Variants in CHPF2 observed in about 807,000 individuals in gnomAD.
CHPF2 encodes chondroitin polymerizing factor 2, also known as chondroitin polymerizing factor 2, non-catalytic subunit.
In CHPF2, 58 loss-of-function variants were observed where a neutral mutation model predicts 63.0. That is an observed-to-expected ratio of 0.92 (90% CI 0.75 to 1.15). The LOEUF (loss-of-function observed/expected upper bound fraction) is 1.15. Among genes scored for constraint, CHPF2 ranks in the 50% most tolerant of loss-of-function variants. The pLI, the probability that CHPF2 is intolerant of heterozygous loss-of-function variation, is 0.00. For missense variants in CHPF2, 1,045 were observed against 1,035.4 expected (o/e 1.01, Z -0.13); for synonymous variants, 442 against 438.0 (o/e 1.01, Z -0.11).
chr7:151,237,928 G>A lies in CHPF2; in HGVS notation c.1566G>A (p.Leu522=). Residue 522 remains leucine (L), a synonymous_variant, in exon 4 of 4, where the codon TTG becomes TTA. Coordinates refer to ENST00000035307, the MANE Select transcript of CHPF2 (RefSeq NM_019015.3). Reference sequence around the variant, plus strand: ...TCCTGGAGCCACGAGAACATGCATTGCTCACCCTGTTGCTGGTCTACGGGC... The same window carrying A: ...TCCTGGAGCCACGAGAACATGCATTACTCACCCTGTTGCTGGTCTACGGGC... ...ANVLEPREHA[L]LTLLLVYGPR... The A allele has an allele frequency of 6.2e-7, 1 of 1,613,028 alleles. No individual in the cohort carries two copies. The highest frequency in any genetic ancestry group is 8.5e-7 in the Non-Finnish European group (1 of 1,180,022).
Position 151,233,326 on chromosome 7 carries a change from T to C in CHPF2, c.-686T>C, listed in dbSNP as rs190803273. 9 of 986,546 alleles carry C rather than the reference T, an allele frequency of 9.1e-6. No individual in the cohort carries two copies. The Admixed American group carries it at 1.8e-4, about 20-fold the overall frequency. 61.1% of individuals were successfully genotyped at this position (986,546 alleles called of 1,614,324 possible). A position where few individuals can be genotyped will look rare whatever the true frequency, so the allele number is the denominator to read the frequency against. ...ACCTCATTCGGGTGGGCAGAACTTATGTGTGCCATGCGAGTGGCTCCAGAC... is the reference window on the plus strand; with the variant it reads ...ACCTCATTCGGGTGGGCAGAACTTACGTGTGCCATGCGAGTGGCTCCAGAC... On this transcript the variant is annotated 5_prime_UTR_variant, in exon 1 of 4. It removes an upstream start codon present in the reference 5' UTR. Coordinates refer to ENST00000035307, the MANE Select transcript of CHPF2 (RefSeq NM_019015.3).
chr7:151,233,979 C>T lies in CHPF2; in HGVS notation c.-33C>T, dbSNP rs185091725. 2.7e-6 allele frequency: 4 copies of T among 1,476,244 alleles called. No homozygotes were observed. Among genetic ancestry groups the T allele is most frequent in the Non-Finnish European group, 3.6e-6 (4 of 1,114,382 alleles). 91.4% of individuals were successfully genotyped at this position (1,476,244 alleles called of 1,614,324 possible). A position where few individuals can be genotyped will look rare whatever the true frequency, so the allele number is the denominator to read the frequency against. On this transcript the variant is annotated 5_prime_UTR_variant, in exon 1 of 4. Coordinates refer to ENST00000035307, the MANE Select transcript of CHPF2 (RefSeq NM_019015.3). ...AATCCATTGATCCTTGAGGCTGTGCCCCTGGGGCACCCACCTGGCAGGGCC... is the reference window on the plus strand; with the variant it reads ...AATCCATTGATCCTTGAGGCTGTGCTCCTGGGGCACCCACCTGGCAGGGCC...
In CHPF2 at chr7:151,234,289, T is replaced by G. The variant is rs1802562839; in HGVS notation, c.263+15T>G. The G allele has an allele frequency of 6.5e-7, 1 of 1,536,996 alleles. No individual in the cohort carries two copies. On this transcript the variant is annotated intron_variant, in intron 1 of 3. Coordinates refer to ENST00000035307, the MANE Select transcript of CHPF2 (RefSeq NM_019015.3). ...AAGGTGCTCAGGTGAGAGCAACATG[T>G]GTGCATAGTCCCCAGACACTGGCCC...
chr7:151,233,211 A>G lies in CHPF2; in HGVS notation c.-801A>G. On this transcript the variant is annotated 5_prime_UTR_variant, in exon 1 of 4. Coordinates refer to ENST00000035307, the MANE Select transcript of CHPF2 (RefSeq NM_019015.3). ...TCCAGTCCCCGCCTGCTGTCTCCTC[A>G]GCAGCTGGGGTTCCGAGGAGAATGC... The G allele has an allele frequency of 9.8e-7, 1 of 1,015,674 alleles. No homozygotes were observed. The highest frequency in any genetic ancestry group is 1.7e-5 in the African/African-American group (1 of 58,488). The allele number at this position is 1,015,674 out of a possible 1,614,324, so 62.9% of individuals were successfully genotyped here.
Position 151,238,730 on chromosome 7 carries a change from C to A in CHPF2, c.*49C>A. On this transcript the variant is annotated 3_prime_UTR_variant, in exon 4 of 4. Coordinates refer to ENST00000035307, the MANE Select transcript of CHPF2 (RefSeq NM_019015.3). ...TTACCTTTCCTTTGTCTGCCTCAGC[C>A]CCAGGAAGGGCAAGGCAAGATGGTG... The A allele has an allele frequency of 1.2e-6, 2 of 1,602,394 alleles. No homozygotes were observed. The highest frequency in any genetic ancestry group is 2.2e-5 in the East Asian group (1 of 44,554).
intron 2 of CHPF2, 100 bp from the exon 3 acceptor site, chr7:151,236,308 C>T (rs953184488): frequency 2.8e-5 from 30 of 1,054,930 alleles, no homozygotes; most frequent in African/African-American, 1.9e-4. Context: ...TCTGTTCTAA[C>T]GCAGCAGTGC....
chr7:151,237,492 A>G lies in CHPF2; in HGVS notation c.1130A>G (p.Tyr377Cys), dbSNP rs1053064155. 1.2e-6 allele frequency: 2 copies of G among 1,613,874 alleles called. No homozygotes were observed. The highest frequency in any genetic ancestry group is 2.7e-5 in the African/African-American group (2 of 74,934). ...CGCTTTGAGGTGCTGGGCTGGGACTACTTCACAGAGCAGCACACCTTCTCC... is the reference window on the plus strand; with the variant it reads ...CGCTTTGAGGTGCTGGGCTGGGACTGCTTCACAGAGCAGCACACCTTCTCC... ...HSRFEVLGWD[Y>C]FTEQHTFSCA... The change falls in exon 4 of 4, where the codon TAC (tyrosine) becomes TGC (cysteine). Residue 377 changes from tyrosine (Y) to cysteine (C), a missense_variant. Coordinates refer to ENST00000035307, the MANE Select transcript of CHPF2 (RefSeq NM_019015.3).
In CHPF2 at chr7:151,232,881, C is replaced by A; in HGVS notation, c.-1131C>A. On this transcript the variant is annotated 5_prime_UTR_variant, in exon 1 of 4. Coordinates refer to ENST00000035307, the MANE Select transcript of CHPF2 (RefSeq NM_019015.3). Reference sequence around the variant, plus strand: ...TCGCAGAACGACCCGAGCTGGTCTCCCGAGCCCCCTTCTCAGCAGCCCGGT... The same window carrying A: ...TCGCAGAACGACCCGAGCTGGTCTCACGAGCCCCCTTCTCAGCAGCCCGGT... 7.2e-7 allele frequency: 1 copy of A among 1,395,034 alleles called. No homozygotes were observed. Among genetic ancestry groups the A allele is most frequent in the Middle Eastern group, 1.8e-4 (1 of 5,458 alleles). 86.4% of individuals were successfully genotyped at this position (1,395,034 alleles called of 1,614,324 possible). A position where few individuals can be genotyped will look rare whatever the true frequency, so the allele number is the denominator to read the frequency against.
chr7:151,238,420 G>C lies in CHPF2; in HGVS notation c.2058G>C (p.Leu686=), dbSNP rs764965206. The part of the protein sequence containing the change: ...NADYLAARAR[L]AGELAGQEEE... ...ACTACCTGGCGGCCCGAGCCCGGCT[G>C]GCAGGTGAACTGGCAGGCCAGGAAG... is the stretch of plus-strand genomic sequence containing the variant. Residue 686 remains leucine (L), a synonymous_variant, in exon 4 of 4, where the codon CTG becomes CTC. Coordinates refer to ENST00000035307, the MANE Select transcript of CHPF2 (RefSeq NM_019015.3). The C allele has an allele frequency of 6.3e-7, 1 of 1,596,350 alleles. No homozygotes were observed. The highest frequency in any genetic ancestry group is 1.1e-5 in the South Asian group (1 of 89,182).
At position 151,238,090 on chromosome 7, in the gene CHPF2, C is replaced by CA. The variant is rs1206411094; in HGVS notation, c.1729dup (p.Met577AsnfsTer69). 1 of 1,612,410 alleles carries CA rather than the reference C, an allele frequency of 6.2e-7. No homozygotes were observed. The highest frequency in any genetic ancestry group is 8.5e-7 in the Non-Finnish European group (1 of 1,180,012). On this transcript the variant is annotated frameshift_variant, in exon 4 of 4. Transcript: ENST00000035307. LOFTEE classifies it high-confidence loss of function. ...CAGAGGCCCCTTCCCAGGTGCGACT[C>CA]ATGGACGTGGTCTCGAAGAAGCACC...
chr7:151,233,364 G>T lies in CHPF2; in HGVS notation c.-648G>T. 1.0e-6 allele frequency: 1 copy of T among 985,936 alleles called. No homozygotes were observed. Among genetic ancestry groups the T allele is most frequent in the Non-Finnish European group, 1.2e-6 (1 of 830,258 alleles). The allele number at this position is 985,936 out of a possible 1,614,324, so 61.1% of individuals were successfully genotyped here. ...AGTGGCTCCAGACCGCTCCTGAGTG[G>T]GAGGAGGGGTTCCTGTAGCCGTTGC... On this transcript the variant is annotated 5_prime_UTR_variant, in exon 1 of 4. Coordinates refer to ENST00000035307, the MANE Select transcript of CHPF2 (RefSeq NM_019015.3).
chr7:151,235,328 C>T lies in CHPF2; in HGVS notation c.544C>T (p.Gln182Ter). 6.2e-7 allele frequency: 1 copy of T among 1,614,000 alleles called. No individual in the cohort carries two copies. The highest frequency in any genetic ancestry group is 8.5e-7 in the Non-Finnish European group (1 of 1,180,042). Residue 182 changes from glutamine to a stop codon, truncating the protein, a stop_gained, in exon 2 of 4, where the codon CAG becomes TAG. Transcript: ENST00000035307. LOFTEE classifies it high-confidence loss of function. Reference sequence around the variant, plus strand: ...CGACTACGACTGGTTCTTCATCATGCAGGATGACACATATGTGCAGGCCCC... The same window carrying T: ...CGACTACGACTGGTTCTTCATCATGTAGGATGACACATATGTGCAGGCCCC... ...GADYDWFFIMQDDTYVQAPRL... is the reference protein window; with the variant it reads ...GADYDWFFIM
Position 151,233,250 on chromosome 7 carries a change from T to C in CHPF2, c.-762T>C. The C allele has an allele frequency of 4.0e-6, 4 of 995,618 alleles. No homozygotes were observed. The highest frequency in any genetic ancestry group is 4.8e-6 in the Non-Finnish European group (4 of 836,910). The allele number at this position is 995,618 out of a possible 1,614,324, so 61.7% of individuals were successfully genotyped here. A position where few individuals can be genotyped will look rare whatever the true frequency, so the allele number is the denominator to read the frequency against. On this transcript the variant is annotated 5_prime_UTR_variant, in exon 1 of 4. Coordinates refer to ENST00000035307, the MANE Select transcript of CHPF2 (RefSeq NM_019015.3). ...CGAGGAGAATGCCCTGCAAGATGGCTCCATCGGCCATGGCGCTCCTGAGAG... is the reference window on the plus strand; with the variant it reads ...CGAGGAGAATGCCCTGCAAGATGGCCCCATCGGCCATGGCGCTCCTGAGAG...
Position 151,233,057 on chromosome 7 carries a change from C to G in CHPF2, c.-955C>G, listed in dbSNP as rs1802518689. ...GTCCTGTCGGAAGCTGGCCGCGCTT[C>G]TGTTTGCGTTCCCAGGACCCTGGCA... On this transcript the variant is annotated 5_prime_UTR_variant, in exon 1 of 4. Coordinates refer to ENST00000035307, the MANE Select transcript of CHPF2 (RefSeq NM_019015.3). 7 of 1,256,242 alleles carry G rather than the reference C, an allele frequency of 5.6e-6. No individual in the cohort carries two copies. Among genetic ancestry groups the G allele is most frequent in the African/African-American group, 3.1e-5 (2 of 64,486 alleles). The allele number at this position is 1,256,242 out of a possible 1,614,324, so 77.8% of individuals were successfully genotyped here.
intron 3 of CHPF2, 39 bp downstream of exon 3, chr7:151,236,629 C>CAG: frequency 6.7e-7 from 1 of 1,492,376 alleles, no homozygotes; most frequent in Non-Finnish European, 9.0e-7. Context: ...GGACCGCAGT[C>CAG]AGAGGGTCAG....
chr7:151,238,651 CTT>C lies in CHPF2; in HGVS notation c.2291_2292del (p.Phe764Ter). On this transcript the variant is annotated frameshift_variant, in exon 4 of 4. Coordinates refer to ENST00000035307, the MANE Select transcript of CHPF2 (RefSeq NM_019015.3). LOFTEE classifies it high-confidence loss of function. ...GCCGTGCCCAGCTGGCTATGGCTCT[CTT>C]TGAGCAGGAGCAGGCCAATAGCACT... is the stretch of plus-strand genomic sequence containing the variant. Reference protein sequence around the residue: ...GGRAQLAMALFEQEQANST With the variant: ...GGRAQLAMALXEQEQANST 6.2e-7 allele frequency: 1 copy of C among 1,610,490 alleles called. No individual in the cohort carries two copies. Among genetic ancestry groups the C allele is most frequent in the Middle Eastern group, 1.7e-4 (1 of 6,054 alleles).
Position 151,237,614 on chromosome 7 carries a change from T to C in CHPF2, c.1252T>C (p.Tyr418His). Residue 418 changes from tyrosine to histidine, a missense_variant, in exon 4 of 4, where the codon TAT becomes CAT. Transcript: ENST00000035307. ...TGCCCTGGAGCAGCTCAATCGGCGC[T>C]ATCAGCCCCGCCTGCGCTTCCAGAA... ...ETALEQLNRR[Y>H]QPRLRFQKQR... is the part of the protein sequence containing the mutation. 1 of 1,613,058 alleles carries C rather than the reference T, an allele frequency of 6.2e-7. No homozygotes were observed. The highest frequency in any genetic ancestry group is 1.1e-5 in the South Asian group (1 of 91,088).
Position 151,232,692 on chromosome 7 carries a change from C to T in CHPF2, c.-1320C>T. ...CGTCCTTTATCCGGTGTCCGCCGGCCCCCGGCCCTGAAACCCGGGCCTCCT... is the reference window on the plus strand; with the variant it reads ...CGTCCTTTATCCGGTGTCCGCCGGCTCCCGGCCCTGAAACCCGGGCCTCCT... On this transcript the variant is annotated 5_prime_UTR_variant, in exon 1 of 4. Transcript: ENST00000035307. 6.9e-7 allele frequency: 1 copy of T among 1,448,484 alleles called. No homozygotes were observed. The highest frequency in any genetic ancestry group is 9.2e-7 in the Non-Finnish European group (1 of 1,087,418). 89.7% of individuals were successfully genotyped at this position (1,448,484 alleles called of 1,614,324 possible).
chr7:151,233,961 T>A lies in CHPF2; in HGVS notation c.-51T>A, dbSNP rs1802549844. ...ACTGGCCTGGTGCCCATCAATCCAT[T>A]GATCCTTGAGGCTGTGCCCCTGGGG... On this transcript the variant is annotated 5_prime_UTR_variant, in exon 1 of 4. Transcript: ENST00000035307. 2 of 1,465,778 alleles carry A rather than the reference T, an allele frequency of 1.4e-6. No homozygotes were observed. Among genetic ancestry groups the A allele is most frequent in the South Asian group, 2.9e-5 (2 of 68,206 alleles). The allele number at this position is 1,465,778 out of a possible 1,614,324, so 90.8% of individuals were successfully genotyped here.
Sources: gnomAD v4.1 joint callset for allele counts on GRCh38, gnomAD v4.1.1 for gene constraint, MANE v1.5 for transcripts, NCBI Gene and HGNC (gene_info 2026-07-23, HGNC 2026-07-21) for gene names.